NME7: variants seen among roughly 807,000 people sequenced by gnomAD.
The protein encoded by NME7 is NME/NM23 family member 7.
In NME7, 41 loss-of-function variants were observed where a neutral mutation model predicts 49.1. That is an observed-to-expected ratio of 0.83 (90% CI 0.65 to 1.08). The LOEUF is 1.08. Ranked by LOEUF, NME7 falls within the 50% of genes least tolerant of loss-of-function variation. The probability of loss-of-function intolerance (pLI) is 0.00; values close to 1 mark genes in which losing one functional copy is unlikely to be tolerated. For synonymous variants in NME7, 139 were observed against 150.6 expected, an observed-to-expected ratio of 0.92 and a Z score of 0.56; for missense variants, 423 against 463.4, an observed-to-expected ratio of 0.91 and a Z score of 0.80.
Position 169,168,414 on chromosome 1 carries a change from T to G in NME7, c.1098+1033A>C, listed in dbSNP as rs1219795301. On this transcript the variant is annotated intron_variant, in intron 11 of 11. Coordinates refer to ENST00000367811, the MANE Select transcript of NME7 (RefSeq NM_013330.5). ...ATGGGTAACACTATCACACTGTATA[T>G]TAGACTCCTTCCCCGCCTTTTTTGG... 2.5e-4 allele frequency among the ~76,000 whole-genome samples: 36 copies of G among 142,128 alleles called. No homozygotes were observed. The Admixed American group carries it at 2.5e-3, about 10-fold the overall frequency. The allele number at this position is 142,128 out of a possible 152,430, so 93.2% of individuals were successfully genotyped here. A position where few individuals can be genotyped will look rare whatever the true frequency, so the allele number is the denominator to read the frequency against.
intron 9 of NME7, among the ~76,000 whole-genome samples, chr1:169,232,919 T>A (rs879864360): frequency 0.016 from 2,001 of 124,790 alleles, 46 homozygotes; most frequent in African/African-American, 0.051. Flanking sequence ...TTTCTTTTTT[T>A]TTTTTTTTTT....
intron 10 of NME7, among the ~76,000 whole-genome samples, chr1:169,179,684 C>T (rs1397359024): frequency 6.6e-6 from 1 of 152,120 alleles, no homozygotes; most frequent in Non-Finnish European, 1.5e-5. Context: ...AGGCCATTAT[C>T]CTTAGCAAAC....
intron 7 of NME7, among the ~76,000 whole-genome samples, chr1:169,252,075 C>A (rs1370503859): frequency 2.0e-5 from 3 of 148,998 alleles, no homozygotes; most frequent in African/African-American, 7.5e-5. Context: ...GGTATATACC[C>A]AGTAATGGGA....
chr1:169,165,298 A>AAAATAAATAAAT (rs150919885), intron 11 of NME7, among the ~76,000 whole-genome samples: 78 of 150,426 alleles, frequency 5.2e-4, no homozygotes, highest in African/African-American at 1.9e-3. Context: ...GTTTGCTATA[A>AAAATAAATAAAT]AAATAAATAA....
chr1:169,239,510 G>T (rs1403145199), intron 7 of NME7, among the ~76,000 whole-genome samples: 1 of 151,956 alleles, frequency 6.6e-6, no homozygotes, highest in Non-Finnish European at 1.5e-5. Context: ...GAAAGACACT[G>T]AATTATTTTG....
chr1:169,322,626 C>T (rs1651894755), intron 3 of NME7: 1 of 150,610 alleles, frequency 6.6e-6, no homozygotes, highest in Non-Finnish European at 1.5e-5. Context: ...TTTTACAACA[C>T]TCACATTGTC....
At chr1:169,246,194 T>C (rs1033899692) in intron 7 of NME7, among the ~76,000 whole-genome samples, 6 of 152,072 alleles carry the variant, frequency 3.9e-5, no homozygotes, top group African/African-American at 1.4e-4. Context: ...TAGTCCCAGA[T>C]ACTCAGGAGG....
chr1:169,206,389 C>A (rs1660676291), intron 10 of NME7, among the ~76,000 whole-genome samples: 1 of 152,022 alleles, frequency 6.6e-6, no homozygotes, highest in African/African-American at 2.4e-5. Context: ...ACAAGTCTTA[C>A]AAGGAGGAAT....
chr1:169,279,820 G>A (rs750466963), intron 7 of NME7, among the ~76,000 whole-genome samples: 2 of 151,844 alleles, frequency 1.3e-5, no homozygotes, highest in Non-Finnish European at 2.9e-5. Flanking sequence ...GTTCCTATTC[G>A]GCCATCTTGG....
intron 7 of NME7, among the ~76,000 whole-genome samples, chr1:169,268,352 T>C (rs34750504): frequency 0.09 from 11,962 of 133,278 alleles, 3,241 homozygotes; most frequent in East Asian, 0.75. Context: ...AAGTGTAAAT[T>C]AGTTCAGCTA....
chr1:169,261,049 G>T lies in NME7; in HGVS notation c.755-23362C>A, dbSNP rs1479406552. Among the ~76,000 whole-genome samples the T allele has an allele frequency of 1.3e-4, 17 of 131,426 alleles. 4 individuals carry two copies. The East Asian group carries it at 3.4e-3, about 27-fold the overall frequency. The allele number at this position is 131,426 out of a possible 152,430, so 86.2% of individuals were successfully genotyped here. ...ATAACATCATTCCCTGAATCACCGT[G>T]ACTCTGAATCTTAAAATAGAAAAAA... On this transcript the variant is annotated intron_variant, in intron 7 of 11. Transcript: ENST00000367811.
chr1:169,205,833 C>T (rs949315270), intron 10 of NME7, among the ~76,000 whole-genome samples: 6 of 152,020 alleles, frequency 3.9e-5, no homozygotes, highest in Non-Finnish European at 7.4e-5. Flanking sequence ...GCTTTCCACG[C>T]TCTATGTGAT....
intron 5 of NME7, 123 bp from the exon 6 acceptor site, chr1:169,298,886 C>G: frequency 7.0e-6 from 6 of 857,888 alleles, no homozygotes; most frequent in Non-Finnish European, 1.0e-5. Flanking sequence ...ATCTTAGAAC[C>G]ATTAAGCATA....
chr1:169,204,408 G>A (rs192042472), intron 10 of NME7, among the ~76,000 whole-genome samples: 2 of 151,584 alleles, frequency 1.3e-5, no homozygotes, highest in African/African-American at 4.8e-5. Context: ...TCCCAGCCTT[G>A]GACTCATTAT....
chr1:169,233,194 A>G lies in NME7; in HGVS notation c.888+1937T>C, dbSNP rs376969891. ...AATGTATGAGAACAACAGCACACAG[A>G]ATAATAGGGGAAAAATATAAGTATA... is the stretch of plus-strand genomic sequence containing the variant. On this transcript the variant is annotated intron_variant, in intron 9 of 11. Transcript: ENST00000367811. 3.3e-5 allele frequency among the ~76,000 whole-genome samples: 5 copies of G among 152,120 alleles called. No homozygotes were observed. In the East Asian group the frequency reaches 7.7e-4, roughly 23 times the overall value.
chr1:169,278,065 C>G (rs1486175961), intron 7 of NME7, among the ~76,000 whole-genome samples: 1 of 151,792 alleles, frequency 6.6e-6, no homozygotes, highest in Non-Finnish European at 1.5e-5. Context: ...CGCTGTTAGT[C>G]TGATGGGCTT....
chr1:169,140,329 G>T (rs957824862), intron 11 of NME7, among the ~76,000 whole-genome samples: 13 of 152,080 alleles, frequency 8.5e-5, no homozygotes, highest in Admixed American at 5.9e-4. Context: ...TGGAAGAATT[G>T]AGTTTTATTC....
At chr1:169,303,700 C>T (rs1027341134) in intron 4 of NME7, among the ~76,000 whole-genome samples, 1 of 152,100 alleles carries the variant, frequency 6.6e-6, no homozygotes, top group Admixed American at 6.5e-5. Flanking sequence ...GATCCACCCA[C>T]CTCGGCCTCT....
chr1:169,139,482 T>C (rs1381270945), intron 11 of NME7, among the ~76,000 whole-genome samples: 2 of 152,256 alleles, frequency 1.3e-5, no homozygotes, highest in African/African-American at 4.8e-5. Context: ...CTCCTAGCCC[T>C]GCCATCTCCT....
Sources: allele counts gnomAD v4.1 joint callset (sites outside exome capture counted in the v4.1 genomes callset), GRCh38; gene constraint gnomAD v4.1.1; transcripts MANE v1.5; gene names NCBI Gene and HGNC (gene_info 2026-07-23, HGNC 2026-07-21).